FARP1: variants seen among roughly 807,000 people sequenced by gnomAD.
The protein encoded by FARP1 is FERM, ARH/RhoGEF and pleckstrin domain protein 1, also known as FERM, ARHGEF and pleckstrin domain-containing protein 1.
A neutral mutation model predicts 128.8 loss-of-function variants in FARP1; 52 were observed. That is an observed-to-expected ratio of 0.40 (90% CI 0.32 to 0.51). FARP1 has a LOEUF of 0.51. Ranked by LOEUF, FARP1 falls within the 20% of genes least tolerant of loss-of-function variation. FARP1 has a pLI of 0.45. For missense variants in FARP1, 1,333 were observed against 1,367.9 expected (o/e 0.97, Z 0.40); for synonymous variants, 580 against 551.8 (o/e 1.05, Z -0.72).
At position 98,261,999 on chromosome 13, in the gene FARP1, C is replaced by G. The variant is rs1382349894; in HGVS notation, c.171+48586C>G. ...TAGTTTTGCTTCCTATAGGTTGATA[C>G]TGTGCCCACCCCCGCCCCCCCAACT... On this transcript the variant is annotated intron_variant, in intron 2 of 26. Transcript: ENST00000319562. Among the ~76,000 whole-genome samples the G allele has an allele frequency of 1.7e-4, 25 of 151,368 alleles. 1 individual carries two copies. The highest frequency in any genetic ancestry group is 1.6e-3 in the Admixed American group (25 of 15,166).
intron 1 of FARP1, among the ~76,000 whole-genome samples, chr13:98,198,238 G>A (rs140647783): frequency 6.6e-6 from 1 of 152,242 alleles, no homozygotes; most frequent in African/African-American, 2.4e-5. Context: ...TTTGCTTCTC[G>A]TTTCCAACCT....
At chr13:98,364,216 G>A (rs745697658) in intron 3 of FARP1, among the ~76,000 whole-genome samples, 2 of 152,134 alleles carry the variant, frequency 1.3e-5, no homozygotes, top group Non-Finnish European at 2.9e-5. Context: ...ACTTTTTAGG[G>A]CTTAGGTCCT....
rs1379651487 is a variant in FARP1 at position 98,450,837 on chromosome 13, G to C, written c.*2520G>C. ...CACAAAAGCCAGCTTCCTTGGCTAA[G>C]ATGCCCTTAAAAACATTGGGGCTGA... On this transcript the variant is annotated 3_prime_UTR_variant, in exon 27 of 27. Transcript: ENST00000319562. 6.6e-6 allele frequency: 1 copy of C among 152,274 alleles called. No homozygotes were observed. Among genetic ancestry groups the C allele is most frequent in the Non-Finnish European group, 1.5e-5 (1 of 68,072 alleles). 9.4% of individuals were successfully genotyped at this position (152,274 alleles called of 1,614,324 possible). A position where few individuals can be genotyped will look rare whatever the true frequency, so the allele number is the denominator to read the frequency against.
intron 16 of FARP1, among the ~76,000 whole-genome samples, chr13:98,418,283 T>G (rs1211582240): frequency 7.8e-6 from 1 of 127,696 alleles, no homozygotes; most frequent in African/African-American, 4.3e-5. Flanking sequence ...TTGTTTTTTG[T>G]TTTTTTTTTG....
chr13:98,337,557 G>GTGTA (rs1448302976), intron 2 of FARP1, among the ~76,000 whole-genome samples: 1 of 149,408 alleles, frequency 6.7e-6, no homozygotes, highest in Non-Finnish European at 1.5e-5. Flanking sequence ...GTGTGTGTGT[G>GTGTA]TGTGTGTGTG....
At chr13:98,356,602 A>C (rs1888652491) in intron 3 of FARP1, among the ~76,000 whole-genome samples, 1 of 149,752 alleles carries the variant, frequency 6.7e-6, no homozygotes, top group Non-Finnish European at 1.5e-5. Flanking sequence ...ATTATCATTA[A>C]GAAATTACCC....
chr13:98,239,038 G>T (rs1434974088), intron 2 of FARP1, among the ~76,000 whole-genome samples: 1 of 152,108 alleles, frequency 6.6e-6, no homozygotes, highest in Non-Finnish European at 1.5e-5. Context: ...GGTATGGATG[G>T]GGTCTTACCT....
chr13:98,212,748 A>G (rs1335817664), intron 1 of FARP1, among the ~76,000 whole-genome samples: 1 of 152,034 alleles, frequency 6.6e-6, no homozygotes, highest in Non-Finnish European at 1.5e-5. Context: ...GTGTATGTCT[A>G]TTTCCTCAAC....
rs1192976919 is a variant in FARP1 at position 98,440,099 on chromosome 13, C to A, written c.2517-24C>A. ...CCCCTTTGATGTGCTGTGGCCTGAACACCTGACGCGTCTCTGTCTCCAGTT... is the reference window on the plus strand; with the variant it reads ...CCCCTTTGATGTGCTGTGGCCTGAAAACCTGACGCGTCTCTGTCTCCAGTT... On this transcript the variant is annotated intron_variant, in intron 22 of 26. Transcript: ENST00000319562. The A allele has an allele frequency of 1.9e-6, 3 of 1,609,712 alleles. No individual in the cohort carries two copies. In the African/African-American group the frequency reaches 4.0e-5, roughly 22 times the overall value.
At chr13:98,232,132 T>TTGTG (rs1422667133) in intron 2 of FARP1, among the ~76,000 whole-genome samples, 37 of 140,400 alleles carry the variant, frequency 2.6e-4, no homozygotes, top group African/African-American at 1.0e-3. Flanking sequence ...GCCCGGCTTT[T>TTGTG]TTTGTTTGGT....
intron 2 of FARP1, among the ~76,000 whole-genome samples, chr13:98,303,978 G>C (rs887031628): frequency 6.6e-6 from 1 of 152,198 alleles, no homozygotes; most frequent in Non-Finnish European, 1.5e-5. Context: ...GTGGTGGTCT[G>C]AGTGTCACTG....
At chr13:98,408,262 T>G (rs1235154513) in intron 13 of FARP1, among the ~76,000 whole-genome samples, 1 of 151,642 alleles carries the variant, frequency 6.6e-6, no homozygotes, top group Non-Finnish European at 1.5e-5. Context: ...AAAAGTGTAT[T>G]GGCAAAGAGT....
intron 2 of FARP1, among the ~76,000 whole-genome samples, chr13:98,289,823 T>G (rs1273443780): frequency 6.6e-6 from 1 of 152,126 alleles, no homozygotes; most frequent in Non-Finnish European, 1.5e-5. Context: ...ACTGTCAACA[T>G]TGATTACTAC....
At chr13:98,446,438 C>T (rs1174983715) in intron 25 of FARP1, 2 of 604,072 alleles carry the variant, frequency 3.3e-6, no homozygotes, top group Non-Finnish European at 5.9e-6. Flanking sequence ...CTGTCTTCTG[C>T]CTGGACAAGG....
chr13:98,185,224 TATA>T (rs68029330), intron 1 of FARP1, among the ~76,000 whole-genome samples: 16,211 of 152,202 alleles, frequency 0.11, 1,743 homozygotes, highest in East Asian at 0.57. Flanking sequence ...CATATCTTTA[TATA>T]ATAACTGGCT....
chr13:98,213,446 G>A, intron 2 of FARP1, 33 bp downstream of exon 2: 1 of 1,604,284 alleles, frequency 6.2e-7, no homozygotes, highest in Non-Finnish European at 8.5e-7. Context: ...ACCCAGGAGT[G>A]TGGTAGGGGA....
At chr13:98,244,748 G>A (rs776805878) in intron 2 of FARP1, 1 of 1,555,926 alleles carries the variant, frequency 6.4e-7, no homozygotes, top group South Asian at 1.1e-5. Flanking sequence ...TTCATTCAAA[G>A]AAATTGATTG....
intron 16 of FARP1, among the ~76,000 whole-genome samples, chr13:98,412,350 G>A (rs184655417): frequency 6.6e-6 from 1 of 152,338 alleles, no homozygotes; most frequent in East Asian, 1.9e-4. Context: ...AGGGGCTTAG[G>A]AAGGCTTTGA....
intron 17 of FARP1, among the ~76,000 whole-genome samples, chr13:98,427,904 G>GT (rs1028725432): frequency 1.3e-5 from 2 of 152,152 alleles, no homozygotes; most frequent in African/African-American, 2.4e-5. Flanking sequence ...GTTAGTTGGG[G>GT]TTTTTTTTAA....
Sources: gnomAD v4.1 joint callset for allele counts (sites outside exome capture counted in the v4.1 genomes callset) on GRCh38, gnomAD v4.1.1 for gene constraint, MANE v1.5 for transcripts, NCBI Gene and HGNC (gene_info 2026-07-23, HGNC 2026-07-21) for gene names.